The following IQSEC3 variants were observed in gnomAD, a reference collection of about 807,000 sequenced individuals.
IQSEC3 encodes IQ motif and Sec7 domain ArfGEF 3.
IQSEC3 carries 50 observed loss-of-function variants against 105.4 expected under a neutral mutation model. The ratio of observed to expected loss-of-function variants is 0.47; its 90% CI spans 0.38 to 0.60. The LOEUF (loss-of-function observed/expected upper bound fraction) is 0.60. Among genes scored for constraint, IQSEC3 ranks in the 20% least tolerant of loss-of-function variants. The pLI, the probability that IQSEC3 is intolerant of heterozygous loss-of-function variation, is 0.00. For synonymous variants in IQSEC3, 708 were observed against 746.0 expected (o/e 0.95, Z 0.83); for missense variants, 1,415 against 1,630.0 (o/e 0.87, Z 2.27).
At chr12:98,998 C>A in intron 1 of IQSEC3, 148 bp from the exon 2 acceptor site, 1 of 646,270 alleles carries the variant, frequency 1.5e-6, no homozygotes, top group Non-Finnish European at 2.7e-6. Flanking sequence ...TTGCCCAGAG[C>A]AGTGATTGGC....
chr12:157,607 A>G lies in IQSEC3; in HGVS notation c.2356A>G (p.Ile786Val). 1 of 1,614,224 alleles carries G rather than the reference A, an allele frequency of 6.2e-7. No individual in the cohort carries two copies. The change falls in exon 7 of 14, where the codon ATC becomes GTC. Residue 786 changes from isoleucine (I) to valine (V), a missense_variant. Ile to Val is a conservative substitution (Grantham distance 29). This residue lies in a region of IQSEC3 where 213 missense variants were observed against 306.2 expected (regional missense o/e 0.70). Coordinates refer to ENST00000538872, the MANE Select transcript of IQSEC3 (RefSeq NM_001170738.2). ...CACCATCTTCATCCTCGCCTTCGCC[A>G]TCATCCTCCTCAACACCGACATGTA... Reference protein sequence around the residue: ...PDTIFILAFAIILLNTDMYSP... With the variant: ...PDTIFILAFAVILLNTDMYSP...
chr12:163,412 T>C, intron 8 of IQSEC3, 82 bp from the exon 9 acceptor site: 3 of 1,302,088 alleles, frequency 2.3e-6, no homozygotes, highest in Non-Finnish European at 3.0e-6. Flanking sequence ...CCGGGCTGTC[T>C]CCTCTTCTGG....
At chr12:132,143 C>T (rs751193392) in intron 3 of IQSEC3, among the ~76,000 whole-genome samples, 3 of 152,006 alleles carry the variant, frequency 2.0e-5, no homozygotes, top group African/African-American at 7.3e-5. Flanking sequence ...GGAGGAGACA[C>T]ATTTGAGATA....
Position 174,807 on chromosome 12 carries a change from C to A in IQSEC3, c.3323C>A (p.Ala1108Asp). 2 of 1,584,504 alleles carry A rather than the reference C, an allele frequency of 1.3e-6. No individual in the cohort carries two copies. Among genetic ancestry groups the A allele is most frequent in the Admixed American group, 1.7e-5 (1 of 58,440 alleles). The change falls in exon 14 of 14, where the codon GCC becomes GAC. Residue 1108 changes from alanine to aspartate, a missense_variant. Coordinates refer to ENST00000538872, the MANE Select transcript of IQSEC3 (RefSeq NM_001170738.2). ...ATTGTCCTGGACAAGCCCTGCCTGG[C>A]CCGCATGGAGCCCCTGCTGAGCCAG... ...KVIVLDKPCL[A>D]RMEPLLSQAL...
At chr12:94,578 T>A (rs1864188178) in intron 1 of IQSEC3, among the ~76,000 whole-genome samples, 1 of 152,174 alleles carries the variant, frequency 6.6e-6, no homozygotes, top group South Asian at 2.1e-4. Context: ...TGTCCCCCAG[T>A]GGCAGCAGAA....
chr12:171,386 C>T lies in IQSEC3; in HGVS notation c.3114+225C>T, dbSNP rs1271686501. On this transcript the variant is annotated intron_variant, in intron 13 of 13. Transcript: ENST00000538872. Reference sequence around the variant, plus strand: ...GAGCTCTTTCTCCCCTTTCCCCAGCCTGCTGCCCTCCGAGGCCGAGCTCCC... The same window carrying T: ...GAGCTCTTTCTCCCCTTTCCCCAGCTTGCTGCCCTCCGAGGCCGAGCTCCC... 1.1e-5 allele frequency: 17 copies of T among 1,481,230 alleles called. No individual in the cohort carries two copies. The African/African-American group carries it at 2.1e-4, about 18-fold the overall frequency. The allele number at this position is 1,481,230 out of a possible 1,614,324, so 91.8% of individuals were successfully genotyped here.
At chr12:133,127 G>A (rs945724276) in intron 3 of IQSEC3, among the ~76,000 whole-genome samples, 4 of 152,202 alleles carry the variant, frequency 2.6e-5, no homozygotes, top group African/African-American at 9.7e-5. Flanking sequence ...AGACAGGGCT[G>A]AGAAGGTATC....
chr12:158,389 C>CT (rs1555095188), intron 7 of IQSEC3, among the ~76,000 whole-genome samples: 2 of 152,096 alleles, frequency 1.3e-5, no homozygotes, highest in Non-Finnish European at 1.5e-5. Context: ...TTTTCTATCT[C>CT]TTTTTTTAAC....
At position 161,960 on chromosome 12, in the gene IQSEC3, G is replaced by T. The variant is rs1555096381; in HGVS notation, c.2478G>T (p.Leu826=). ...ATGGCGCTGACATCCCCAGGGAGCTGGTGGTAGGCATCTATGAGAGGATAC... is the reference window on the plus strand; with the variant it reads ...ATGGCGCTGACATCCCCAGGGAGCTTGTGGTAGGCATCTATGAGAGGATAC... ...VDDGADIPRE[L]VVGIYERIQQ... Residue 826 remains leucine, a synonymous_variant, in exon 8 of 14, where the codon CTG becomes CTT. Transcript: ENST00000538872. 2 of 1,613,256 alleles carry T rather than the reference G, an allele frequency of 1.2e-6. No individual in the cohort carries two copies. Among genetic ancestry groups the T allele is most frequent in the South Asian group, 1.1e-5 (1 of 90,974 alleles).
At chr12:140,046 G>A (rs1591709903) in intron 4 of IQSEC3, among the ~76,000 whole-genome samples, 2 of 152,172 alleles carry the variant, frequency 1.3e-5, no homozygotes, top group South Asian at 2.1e-4. Context: ...GCAGGCACTC[G>A]CCTCCATCCT....
chr12:125,594 C>T, intron 2 of IQSEC3, 39 bp from the exon 3 acceptor site: 6 of 1,464,012 alleles, frequency 4.1e-6, no homozygotes, highest in African/African-American at 1.5e-5. Flanking sequence ...ACCCTGTCGC[C>T]CTCTCCCCCA....
At chr12:159,593 C>G (rs1230068325) in intron 7 of IQSEC3, among the ~76,000 whole-genome samples, 2 of 152,222 alleles carry the variant, frequency 1.3e-5, no homozygotes, top group East Asian at 3.8e-4. Context: ...CAGTGCTGCT[C>G]TGCCATCCCA....
At chr12:83,529 C>T (rs1042052254) in intron 1 of IQSEC3, among the ~76,000 whole-genome samples, 6 of 151,358 alleles carry the variant, frequency 4.0e-5, no homozygotes, top group African/African-American at 9.7e-5. Context: ...CAGGGGAAAG[C>T]GTTCCGTGTA....
chr12:131,090 T>C (rs994661998), intron 3 of IQSEC3, among the ~76,000 whole-genome samples: 10 of 128,266 alleles, frequency 7.8e-5, no homozygotes, highest in Admixed American at 7.5e-4. Context: ...CCCCACCCTC[T>C]GGCTTGGCCG....
chr12:146,795 G>A (rs1327927419), intron 5 of IQSEC3, among the ~76,000 whole-genome samples: 1 of 152,170 alleles, frequency 6.6e-6, no homozygotes, highest in Non-Finnish European at 1.5e-5. Flanking sequence ...AAGAGTTAGG[G>A]TCATTTCCAC....
In IQSEC3 at chr12:157,522, C is replaced by A; in HGVS notation, c.2277-6C>A. 6.2e-7 allele frequency: 1 copy of A among 1,608,612 alleles called. No individual in the cohort carries two copies. Among genetic ancestry groups the A allele is most frequent in the Non-Finnish European group, 8.5e-7 (1 of 1,176,812 alleles). On this transcript the variant is annotated splice_polypyrimidine_tract_variant and splice_region_variant and intron_variant, in intron 6 of 13. Transcript: ENST00000538872. ...AGCGTCCGCTCTGCATCTGACCCCC[C>A]CACAGCCAGCGCTACTGCATGTGCA...
intron 2 of IQSEC3, among the ~76,000 whole-genome samples, chr12:105,310 C>T (rs1398631975): frequency 6.6e-6 from 1 of 152,210 alleles, no homozygotes; most frequent in African/African-American, 2.4e-5. Flanking sequence ...GTGGCGGGAG[C>T]ATCTTGCCCG....
intron 5 of IQSEC3, among the ~76,000 whole-genome samples, chr12:156,501 G>C (rs902009643): frequency 4.6e-5 from 7 of 151,934 alleles, no homozygotes; most frequent in African/African-American, 1.5e-4. Flanking sequence ...GGGGCAGCTG[G>C]GGGGAGCTGG....
chr12:131,173 C>T (rs1428037733), intron 3 of IQSEC3, among the ~76,000 whole-genome samples: 1 of 152,188 alleles, frequency 6.6e-6, no homozygotes, highest in Non-Finnish European at 1.5e-5. Context: ...CTAATTAACA[C>T]TGAGAGGCTC....
Sources: allele counts gnomAD v4.1 joint callset (sites outside exome capture counted in the v4.1 genomes callset), GRCh38; gene constraint gnomAD v4.1.1; regional missense constraint gnomAD v4.1.1; transcripts MANE v1.5; gene names NCBI Gene and HGNC (gene_info 2026-07-23, HGNC 2026-07-21).